The following LARGE1 variants were observed in gnomAD, a reference collection of about 807,000 sequenced individuals.
LARGE1 encodes the protein xylosyl- and glucuronyltransferase LARGE1.
LARGE1 carries 43 observed loss-of-function variants against 87.6 expected under a neutral mutation model. That is an observed-to-expected ratio of 0.49 (90% CI 0.38 to 0.63). LARGE1 has a LOEUF of 0.63. Ranked by LOEUF, LARGE1 falls within the 30% of genes least tolerant of loss-of-function variation. The pLI, the probability that LARGE1 is intolerant of heterozygous loss-of-function variation, is 0.00. For synonymous variants in LARGE1, 434 were observed against 394.6 expected (o/e 1.10, Z -1.18); for missense variants, 802 against 1,000.2 (o/e 0.80, Z 2.67).
intron 1 of LARGE1, among the ~76,000 whole-genome samples, chr22:33,863,031 T>C (rs114042557): frequency 0.015 from 2,242 of 152,158 alleles, 57 homozygotes; most frequent in African/African-American, 0.051. Flanking sequence ...TCCGAGAGCA[T>C]AGGAATGTGT....
At chr22:33,740,305 T>C (rs1408792398) in intron 2 of LARGE1, among the ~76,000 whole-genome samples, 1 of 152,178 alleles carries the variant, frequency 6.6e-6, no homozygotes, top group African/African-American at 2.4e-5. Flanking sequence ...GCATACATAC[T>C]TCTATTATAG....
intron 9 of LARGE1, among the ~76,000 whole-genome samples, chr22:33,356,269 C>T (rs1175641488): frequency 6.6e-6 from 1 of 152,112 alleles, no homozygotes; most frequent in Non-Finnish European, 1.5e-5. Flanking sequence ...TGAAAATTAT[C>T]CAGGAGCAAA....
At chr22:33,858,087 C>T (rs1212897621) in intron 1 of LARGE1, among the ~76,000 whole-genome samples, 1 of 152,136 alleles carries the variant, frequency 6.6e-6, no homozygotes, top group African/African-American at 2.4e-5. Context: ...TGTTAGAAGC[C>T]ACGAGTCACG....
chr22:33,834,326 GTGACC>G (rs2063053720), intron 1 of LARGE1, among the ~76,000 whole-genome samples: 1 of 152,118 alleles, frequency 6.6e-6, no homozygotes, highest in Admixed American at 6.5e-5. Context: ...CATATCCCCT[GTGACC>G]TGCACGTATA....
At chr22:33,775,116 C>A (rs1413350447) in intron 1 of LARGE1, among the ~76,000 whole-genome samples, 1 of 152,198 alleles carries the variant, frequency 6.6e-6, no homozygotes, top group Non-Finnish European at 1.5e-5. Context: ...GGCCTTAATT[C>A]ACTCAACTTT....
At position 33,424,935 on chromosome 22, in the gene LARGE1, T is replaced by A. The variant is rs2147626308; in HGVS notation, c.892+7226A>T. ...TGGGAAGTAATTAGGGTCATGAAGGTAGGGACTTCATTAATGTGATTAATG... is the reference window on the plus strand; with the variant it reads ...TGGGAAGTAATTAGGGTCATGAAGGAAGGGACTTCATTAATGTGATTAATG... On this transcript the variant is annotated intron_variant, in intron 7 of 14. Coordinates refer to ENST00000397394, the MANE Select transcript of LARGE1 (RefSeq NM_133642.5). Among the ~76,000 whole-genome samples, 2 of 152,256 alleles carry A rather than the reference T, an allele frequency of 1.3e-5. 1 individual carries two copies. Among genetic ancestry groups the A allele is most frequent in the Middle Eastern group, 6.8e-3 (2 of 294 alleles).
At chr22:33,131,598 G>A in the LARGE1 span, among the ~76,000 whole-genome samples, 1 of 152,168 alleles carries the variant, frequency 6.6e-6, no homozygotes, top group African/African-American at 2.4e-5. Context: ...ATGGTGGCAG[G>A]CAAGAGAGCA....
chr22:33,631,839 A>G (rs2080120900), intron 3 of LARGE1, among the ~76,000 whole-genome samples: 1 of 152,200 alleles, frequency 6.6e-6, no homozygotes, highest in African/African-American at 2.4e-5. Flanking sequence ...TGTTCACACC[A>G]ACATCACCAA....
At chr22:33,195,987 T>C (rs1002410266) in intron 11 of LARGE1, among the ~76,000 whole-genome samples, 1 of 151,836 alleles carries the variant, frequency 6.6e-6, no homozygotes, top group African/African-American at 2.4e-5. Flanking sequence ...CTCGATCTCC[T>C]GACCTCGTGG....
At chr22:33,503,789 ACT>A (rs954561516) in intron 6 of LARGE1, among the ~76,000 whole-genome samples, 5 of 152,014 alleles carry the variant, frequency 3.3e-5, no homozygotes, top group African/African-American at 9.6e-5. Flanking sequence ...ACAGAGCAAG[ACT>A]CTGTCTCAAA....
At chr22:33,675,209 G>A (rs931766085) in intron 2 of LARGE1, among the ~76,000 whole-genome samples, 7 of 143,608 alleles carry the variant, frequency 4.9e-5, no homozygotes, top group Non-Finnish European at 9.0e-5. Flanking sequence ...CAGCAGAATC[G>A]CTTGAACCCG....
chr22:33,783,551 C>T (rs573023514), intron 1 of LARGE1, among the ~76,000 whole-genome samples: 53 of 152,114 alleles, frequency 3.5e-4, no homozygotes, highest in Admixed American at 3.3e-4. Context: ...GGCAACAGAG[C>T]GAAACTCCAT....
intron 2 of LARGE1, among the ~76,000 whole-genome samples, chr22:33,742,784 C>G (rs1273238530): frequency 6.6e-6 from 1 of 152,132 alleles, no homozygotes. Flanking sequence ...CAAATAATGT[C>G]TTTTTTTAAT....
intron 10 of LARGE1, among the ~76,000 whole-genome samples, chr22:33,326,545 G>A (rs1389660468): frequency 6.6e-6 from 1 of 152,048 alleles, no homozygotes; most frequent in Non-Finnish European, 1.5e-5. Flanking sequence ...AATTTCCATC[G>A]TACAGATGAG....
chr22:33,519,508 C>T (rs991345613), intron 6 of LARGE1, among the ~76,000 whole-genome samples: 1 of 152,106 alleles, frequency 6.6e-6, no homozygotes, highest in African/African-American at 2.4e-5. Context: ...AAAGTACCAG[C>T]CCCTGCACTG....
At chr22:33,722,847 C>T (rs540451824) in intron 2 of LARGE1, among the ~76,000 whole-genome samples, 1 of 152,250 alleles carries the variant, frequency 6.6e-6, no homozygotes, top group African/African-American at 2.4e-5. Context: ...AGGGAACCAT[C>T]GAGGCCGCAG....
chr22:33,265,659 A>G (rs370601116), intron 11 of LARGE1, among the ~76,000 whole-genome samples: 3 of 152,196 alleles, frequency 2.0e-5, no homozygotes, highest in Admixed American at 6.5e-5. Context: ...TGTCTTATTC[A>G]TTTTTGAATA....
intron 11 of LARGE1, among the ~76,000 whole-genome samples, chr22:33,249,265 G>C (rs1461272489): frequency 6.6e-6 from 1 of 152,094 alleles, no homozygotes; most frequent in Non-Finnish European, 1.5e-5. Flanking sequence ...TATCATTGTT[G>C]TTTTAATTTG....
At chr22:33,682,897 T>C (rs1406423533) in intron 2 of LARGE1, among the ~76,000 whole-genome samples, 1 of 152,208 alleles carries the variant, frequency 6.6e-6, no homozygotes, top group African/African-American at 2.4e-5. Context: ...ACAAAGCCAG[T>C]GGTCCCATCC....
Sources: gnomAD v4.1 joint callset for allele counts (sites outside exome capture counted in the v4.1 genomes callset) on GRCh38, gnomAD v4.1.1 for gene constraint, MANE v1.5 for transcripts, NCBI Gene and HGNC (gene_info 2026-07-23, HGNC 2026-07-21) for gene names.